ANKFN1: variants seen among roughly 807,000 people sequenced by gnomAD.
ANKFN1 encodes ankyrin repeat and fibronectin type-III domain-containing protein 1.
A neutral mutation model predicts 108.7 loss-of-function variants in ANKFN1; 74 were observed. The observed-to-expected ratio is 0.68, with a 90% CI of 0.56 to 0.83. ANKFN1 has a LOEUF of 0.83. Among genes scored for constraint, ANKFN1 ranks in the 40% least tolerant of loss-of-function variants. The pLI, the probability that ANKFN1 is intolerant of heterozygous loss-of-function variation, is 0.00. For missense variants in ANKFN1, 1,505 were observed against 1,382.3 expected (o/e 1.09, Z -1.41); for synonymous variants, 547 against 516.2 (o/e 1.06, Z -0.81).
chr17:56,198,349 T>C (rs562371261), intron 1 of ANKFN1, among the ~76,000 whole-genome samples: 12 of 152,318 alleles, frequency 7.9e-5, no homozygotes, highest in African/African-American at 2.4e-4. Context: ...ATCTCTCACA[T>C]GCACTGTTCA....
intron 3 of ANKFN1, among the ~76,000 whole-genome samples, chr17:56,298,036 C>T (rs780459763): frequency 6.6e-5 from 10 of 152,182 alleles, no homozygotes; most frequent in Non-Finnish European, 1.3e-4. Flanking sequence ...GGACTAGAAG[C>T]AGCAGCATCT....
chr17:56,199,116 TTTC>T lies in ANKFN1; in HGVS notation c.-70-13481_-70-13479del, dbSNP rs370912523. ...TGAGAATATGGCATGGCCCCCATCTTTTCATCTGCTTTTACGTCTCTGCTAAAT... is the reference window on the plus strand; with the variant it reads ...TGAGAATATGGCATGGCCCCCATCTTATCTGCTTTTACGTCTCTGCTAAAT... On this transcript the variant is annotated intron_variant, in intron 1 of 20. Coordinates refer to ENST00000682825, the MANE Select transcript of ANKFN1 (RefSeq NM_001370326.1). Among the ~76,000 whole-genome samples, 526 of 152,292 alleles carry T rather than the reference TTTC, an allele frequency of 3.5e-3. 4 individuals carry two copies. Among genetic ancestry groups the T allele is most frequent in the African/African-American group, 0.012 (510 of 41,564 alleles).
In ANKFN1 at chr17:56,112,697, G is replaced by A. The variant is rs577856973; in HGVS notation, c.288+66372G>A. ...CACTATATATTTTGGTCTGCAACAA[G>A]CTTTTTTCCACTTAAGAATATGTCG... On this transcript the variant is annotated intron_variant, in intron 4 of 12. Transcript: ENST00000635860. Among the ~76,000 whole-genome samples the A allele has an allele frequency of 6.6e-5, 10 of 152,234 alleles. No individual in the cohort carries two copies. The South Asian group carries it at 2.1e-3, about 32-fold the overall frequency.
intron 4 of ANKFN1, among the ~76,000 whole-genome samples, chr17:56,341,097 G>A (rs2045946982): frequency 6.6e-6 from 1 of 151,782 alleles, no homozygotes; most frequent in African/African-American, 2.4e-5. Context: ...TCTTTTGGCT[G>A]TTGGCTTGAC....
intron 1 of ANKFN1, among the ~76,000 whole-genome samples, chr17:56,210,296 G>T (rs1425259968): frequency 2.0e-5 from 3 of 152,122 alleles, no homozygotes; most frequent in African/African-American, 7.2e-5. Context: ...TTGACTTTTA[G>T]TTCTTTAAGG....
At position 56,341,852 on chromosome 17, in the gene ANKFN1, A is replaced by AT. The variant is rs566991521; in HGVS notation, c.189-8908dup. ...GTTAGGGAAAAGTCCCTCCTTTGCA[A>AT]TTTTTTGGAATCGTTTCAGTAGGAA... On this transcript the variant is annotated intron_variant, in intron 4 of 20. Transcript: ENST00000682825. Among the ~76,000 whole-genome samples the AT allele has an allele frequency of 5.2e-4, 79 of 151,758 alleles. 3 individuals are homozygous for AT. The South Asian group carries it at 5.4e-3, about 10-fold the overall frequency.
chr17:56,118,242 A>G (rs140934054), intron 4 of ANKFN1, among the ~76,000 whole-genome samples: 2 of 152,146 alleles, frequency 1.3e-5, no homozygotes, highest in African/African-American at 4.8e-5. Flanking sequence ...CTGGATATAC[A>G]TCTACAAGGG....
intron 1 of ANKFN1, among the ~76,000 whole-genome samples, chr17:56,168,872 A>G (rs1458379602): frequency 1.3e-5 from 2 of 152,214 alleles, no homozygotes; most frequent in Non-Finnish European, 2.9e-5. Context: ...TTGAGGAGTG[A>G]ATGGATAAGT....
chr17:56,356,041 A>G (rs905611162), intron 6 of ANKFN1, among the ~76,000 whole-genome samples: 1 of 152,112 alleles, frequency 6.6e-6, no homozygotes, highest in Non-Finnish European at 1.5e-5. Context: ...ACAGAATTAT[A>G]TAATATATGG....
In ANKFN1 at chr17:56,511,371, G is replaced by A. The variant is rs900850387; in HGVS notation, c.*102G>A. On this transcript the variant is annotated 3_prime_UTR_variant, in exon 21 of 21. Transcript: ENST00000682825. ...ACTGTGTACCCACTCATTTTCAAGC[G>A]TTTTGAATGTTATAAATACAAAGGT... The A allele has an allele frequency of 2.5e-6, 3 of 1,205,320 alleles. No individual in the cohort carries two copies. Among genetic ancestry groups the A allele is most frequent in the East Asian group, 2.6e-5 (1 of 38,822 alleles). The allele number at this position is 1,205,320 out of a possible 1,614,324, so 74.7% of individuals were successfully genotyped here.
At chr17:56,480,043 T>C (rs1221769793) in intron 16 of ANKFN1, among the ~76,000 whole-genome samples, 3 of 152,176 alleles carry the variant, frequency 2.0e-5, no homozygotes, top group African/African-American at 7.2e-5. Context: ...AAAAGTTCAT[T>C]AGGAAGGATT....
chr17:56,315,959 T>C (rs2045196087), intron 3 of ANKFN1, among the ~76,000 whole-genome samples: 1 of 152,208 alleles, frequency 6.6e-6, no homozygotes. Context: ...TCAACTTTCT[T>C]TTTGTTTTTC....
At chr17:56,053,043 T>TAAG (rs548985130) in intron 4 of ANKFN1, among the ~76,000 whole-genome samples, 245 of 152,174 alleles carry the variant, frequency 1.6e-3, no homozygotes, top group Admixed American at 4.3e-3. Context: ...AATGTACTAG[T>TAAG]AATAATAATA....
At chr17:56,120,365 T>C (rs969722720) in intron 4 of ANKFN1, among the ~76,000 whole-genome samples, 6 of 152,186 alleles carry the variant, frequency 3.9e-5, no homozygotes, top group South Asian at 4.1e-4. Context: ...TGATCTATGA[T>C]ATTTTCTCCC....
chr17:56,147,886 T>G (rs957000628), intron 4 of ANKFN1, among the ~76,000 whole-genome samples: 1 of 152,348 alleles, frequency 6.6e-6, no homozygotes, highest in South Asian at 2.1e-4. Context: ...TAGCTACAAC[T>G]TCTACTTGCC....
intron 8 of ANKFN1, among the ~76,000 whole-genome samples, chr17:56,435,730 C>T (rs755950191): frequency 6.9e-6 from 1 of 145,766 alleles, no homozygotes; most frequent in Non-Finnish European, 1.5e-5. Flanking sequence ...ATCTGCACAA[C>T]AGCAAGTTTT....
In ANKFN1 at chr17:56,055,566, C is replaced by CATACATATATAT. The variant is rs1555588763; in HGVS notation, c.288+9244_288+9245insCATATATATATA. On this transcript the variant is annotated intron_variant, in intron 4 of 12. Coordinates refer to the ANKFN1 transcript ENST00000635860. ...TATATGTGTGTGTGTGGTATATATACATATATATATATATATATATATGTA... is the reference window on the plus strand; with the variant it reads ...TATATGTGTGTGTGTGGTATATATACATACATATATATATATATATATATATATATATATGTA... Among the ~76,000 whole-genome samples, 14 of 47,458 alleles carry CATACATATATAT rather than the reference C, an allele frequency of 2.9e-4. 1 individual carries two copies. The highest frequency in any genetic ancestry group is 1.1e-3 in the African/African-American group (8 of 7,578). 31.1% of individuals were successfully genotyped at this position (47,458 alleles called of 152,430 possible).
chr17:56,466,300 G>T, intron 14 of ANKFN1, 56 bp from the exon 15 acceptor site: 3 of 1,458,632 alleles, frequency 2.1e-6, no homozygotes, highest in Non-Finnish European at 2.9e-6. Flanking sequence ...TGTTGCCGTT[G>T]TGTTGCTTTG....
intron 8 of ANKFN1, among the ~76,000 whole-genome samples, chr17:56,434,797 CTT>C (rs1555652476): frequency 4.8e-5 from 7 of 145,086 alleles, no homozygotes; most frequent in Admixed American, 1.4e-4. Flanking sequence ...CTCTCTCTCT[CTT>C]CTTCTTGTGC....
Sources: allele counts gnomAD v4.1 joint callset (sites outside exome capture counted in the v4.1 genomes callset), GRCh38; gene constraint gnomAD v4.1.1; transcripts MANE v1.5; gene names NCBI Gene and HGNC (gene_info 2026-07-23, HGNC 2026-07-21).